Variants in ZYG11B observed in about 807,000 individuals in gnomAD.
ZYG11B encodes the protein zyg-11 family member B, cell cycle regulator.
A neutral mutation model predicts 82.4 loss-of-function variants in ZYG11B; 36 were observed. The ratio of observed to expected loss-of-function variants is 0.44; its 90% CI spans 0.33 to 0.58. The LOEUF (loss-of-function observed/expected upper bound fraction) is 0.58. ZYG11B is among the 20% of genes least tolerant of loss of function. The pLI is 0.02. For synonymous variants in ZYG11B, 303 were observed against 312.8 expected, an observed-to-expected ratio of 0.97 and a Z score of 0.33; for missense variants, 552 against 895.6, an observed-to-expected ratio of 0.62 and a Z score of 4.90.
At position 52,771,158 on chromosome 1, in the gene ZYG11B, C is replaced by G. The variant is rs915455657; in HGVS notation, c.335C>G (p.Ala112Gly). The G allele has an allele frequency of 6.2e-7, 1 of 1,614,200 alleles. No homozygotes were observed. Among genetic ancestry groups the G allele is most frequent in the Non-Finnish European group, 8.5e-7 (1 of 1,180,044 alleles). The change falls in exon 3 of 14, where the codon GCC (alanine) becomes GGC (glycine). Residue 112 changes from alanine to glycine, a missense_variant. Ala to Gly is a moderately conservative substitution (Grantham distance 60). Coordinates refer to ENST00000294353, the MANE Select transcript of ZYG11B (RefSeq NM_024646.3). This position sits in a 1 kb window ranked among gnomAD's most constrained non-coding sequence, Gnocchi z 5.4. ...FCHHKLVELDATGVNADITIT... is the reference protein window; with the variant it reads ...FCHHKLVELDGTGVNADITIT... Reference sequence around the variant, plus strand: ...CACCACAAGTTAGTGGAACTTGATGCCACAGGTGTGAATGCTGATATCACG... The same window carrying G: ...CACCACAAGTTAGTGGAACTTGATGGCACAGGTGTGAATGCTGATATCACG...
intron 10 of ZYG11B, chr1:52,805,505 A>C: frequency 2.2e-6 from 1 of 455,908 alleles, no homozygotes; most frequent in Middle Eastern, 3.3e-4. Context: ...AAGTTGGCTC[A>C]GGTCATCTGA....
intron 1 of ZYG11B, among the ~76,000 whole-genome samples, chr1:52,735,770 T>G (rs1644373908): frequency 6.6e-6 from 1 of 152,112 alleles, no homozygotes; most frequent in South Asian, 2.1e-4. Flanking sequence ...ACTCCTGACC[T>G]CAAGTGATCT....
At chr1:52,816,732 C>T (rs1160850415) in intron 13 of ZYG11B, 103 bp downstream of exon 13, 2 of 709,768 alleles carry the variant, frequency 2.8e-6, no homozygotes, top group Non-Finnish European at 4.7e-6. Flanking sequence ...TTTTTAAGAA[C>T]ACTGACTTAA....
chr1:52,737,895 G>A (rs1644391181), intron 1 of ZYG11B, among the ~76,000 whole-genome samples: 2 of 152,250 alleles, frequency 1.3e-5, no homozygotes. Flanking sequence ...GGTCCCCTGA[G>A]GGGAAAAGAG....
chr1:52,788,125 G>C (rs12082730), intron 5 of ZYG11B, among the ~76,000 whole-genome samples: 3,810 of 152,178 alleles, frequency 0.025, 164 homozygotes, highest in African/African-American at 0.087. Context: ...AGTGTAGGAA[G>C]GGCAGTGTAG....
rs537852693 is a variant in ZYG11B at position 52,769,187 on chromosome 1, T to C, written c.197-1833T>C. Among the ~76,000 whole-genome samples the C allele has an allele frequency of 2.0e-5, 3 of 152,280 alleles. No homozygotes were observed. In the East Asian group the frequency reaches 5.8e-4, roughly 29 times the overall value. Reference sequence around the variant, plus strand: ...TACTTGACATATAGTAATTGTTTAATAAACTGTTTGCTGAATGGACCCCAT... The same window carrying C: ...TACTTGACATATAGTAATTGTTTAACAAACTGTTTGCTGAATGGACCCCAT... On this transcript the variant is annotated intron_variant, in intron 2 of 13. Transcript: ENST00000294353.
At chr1:52,781,911 C>T (rs991500505) in intron 4 of ZYG11B, among the ~76,000 whole-genome samples, 2 of 151,750 alleles carry the variant, frequency 1.3e-5, no homozygotes, top group African/African-American at 4.8e-5. Flanking sequence ...AGGATGTTGG[C>T]ACTTGGTATA....
At position 52,742,037 on chromosome 1, in the gene ZYG11B, T is replaced by C. The variant is rs183612342; in HGVS notation, c.31-14421T>C. Among the ~76,000 whole-genome samples the C allele has an allele frequency of 2.8e-3, 419 of 152,318 alleles. 2 individuals are homozygous for C. Among genetic ancestry groups the C allele is most frequent in the African/African-American group, 9.8e-3 (408 of 41,578 alleles). ...GTAATTTTTGTAGTCACCTGATTTCTGGCCCAATCTTTAGAAAAAAGTCAC... is the reference window on the plus strand; with the variant it reads ...GTAATTTTTGTAGTCACCTGATTTCCGGCCCAATCTTTAGAAAAAAGTCAC... On this transcript the variant is annotated intron_variant, in intron 1 of 13. Transcript: ENST00000294353.
chr1:52,741,321 A>AAAAAAAAAAGT (rs1481484800), intron 1 of ZYG11B, among the ~76,000 whole-genome samples: 1 of 125,480 alleles, frequency 8.0e-6, no homozygotes, highest in Admixed American at 8.8e-5. Context: ...AAAAAAAAAG[A>AAAAAAAAAAGT]AAAGAAAAGA....
chr1:52,776,229 A>AAAAAAAAAAATATAT, intron 3 of ZYG11B, among the ~76,000 whole-genome samples: 244 of 23,556 alleles, frequency 0.01, 22 homozygotes, highest in Middle Eastern at 0.1. Context: ...TAAAAAAAAA[A>AAAAAAAAAAATATAT]ATATATATAT....
At chr1:52,752,721 G>A (rs914540382) in intron 1 of ZYG11B, among the ~76,000 whole-genome samples, 53 of 117,182 alleles carry the variant, frequency 4.5e-4, no homozygotes, top group African/African-American at 2.3e-3. Flanking sequence ...CTAATTCTGG[G>A]TAGTTAGTGT....
At chr1:52,779,180 C>A (rs1011665920) in intron 3 of ZYG11B, among the ~76,000 whole-genome samples, 1 of 151,862 alleles carries the variant, frequency 6.6e-6, no homozygotes, top group East Asian at 1.9e-4. Flanking sequence ...GCTTGACTTA[C>A]GGAAAGGTGA....
intron 6 of ZYG11B, among the ~76,000 whole-genome samples, chr1:52,793,032 G>A (rs1468669657): frequency 6.6e-6 from 1 of 151,820 alleles, no homozygotes; most frequent in Non-Finnish European, 1.5e-5. Flanking sequence ...TAGAGGCGGG[G>A]TTTCACCATG....
chr1:52,817,775 GTGTATATATATATA>G (rs1254659503), intron 13 of ZYG11B, among the ~76,000 whole-genome samples: 1,319 of 32,536 alleles, frequency 0.041, 53 homozygotes, highest in Non-Finnish European at 0.063. Context: ...GTATATATAT[GTGTATATATATATA>G]TATATATATA....
Position 52,824,612 on chromosome 1 carries a change from C to G in ZYG11B, c.*2983C>G, listed in dbSNP as rs1252195719. On this transcript the variant is annotated 3_prime_UTR_variant, in exon 14 of 14. Transcript: ENST00000294353. ...CAATATCATGCCACTGCACTCCAGC[C>G]TGGGTGACAGAGTAAGACTCCGTCT... 4 of 150,752 alleles carry G rather than the reference C, an allele frequency of 2.7e-5. No individual in the cohort carries two copies. Among genetic ancestry groups the G allele is most frequent in the African/African-American group, 9.8e-5 (4 of 40,770 alleles). 9.3% of individuals were successfully genotyped at this position (150,752 alleles called of 1,614,324 possible). A position where few individuals can be genotyped will look rare whatever the true frequency, so the allele number is the denominator to read the frequency against.
intron 5 of ZYG11B, among the ~76,000 whole-genome samples, chr1:52,788,275 A>G (rs940598910): frequency 2.6e-5 from 4 of 152,234 alleles, no homozygotes; most frequent in Non-Finnish European, 5.9e-5. Flanking sequence ...GTAGCCCCCA[A>G]AATCAAAACT....
At chr1:52,741,298 CAAAAAAA>C (rs770092920) in intron 1 of ZYG11B, among the ~76,000 whole-genome samples, 10 of 72,222 alleles carry the variant, frequency 1.4e-4, no homozygotes, top group African/African-American at 4.0e-4. Flanking sequence ...GACTTCGTCT[CAAAAAAA>C]AAAAAAAAAA....
chr1:52,768,496 A>G (rs1318795385), intron 2 of ZYG11B, among the ~76,000 whole-genome samples: 1 of 152,198 alleles, frequency 6.6e-6, no homozygotes, highest in African/African-American at 2.4e-5. Context: ...CAATATAGAA[A>G]GAACTACTTG....
chr1:52,818,302 G>A (rs1571804371), intron 13 of ZYG11B, among the ~76,000 whole-genome samples: 1 of 152,008 alleles, frequency 6.6e-6, no homozygotes, highest in East Asian at 1.9e-4. Context: ...GCGAAACCTA[G>A]TTTCTATAAA....
Sources: allele counts gnomAD v4.1 joint callset (sites outside exome capture counted in the v4.1 genomes callset), GRCh38; gene constraint gnomAD v4.1.1; non-coding constraint Gnocchi (gnomAD v3.1); transcripts MANE v1.5; gene names NCBI Gene and HGNC (gene_info 2026-07-23, HGNC 2026-07-21).